Variants in B4GALNT2 observed in about 807,000 individuals in gnomAD.
B4GALNT2 encodes beta-1,4-N-acetyl-galactosaminyltransferase 2 (SID blood group), also known as N-acetylneuraminylgalactosylglucosyl-glucoside beta-1,4-N- acetylgalactosaminyltransferase 2.
Under a neutral mutation model 51.1 loss-of-function variants are expected in B4GALNT2, and 42 were observed. The ratio of observed to expected loss-of-function variants is 0.82; its 90% CI spans 0.64 to 1.06. B4GALNT2 has a LOEUF of 1.06. Among genes scored for constraint, B4GALNT2 ranks in the 50% least tolerant of loss-of-function variants. The pLI is 0.00. For missense variants in B4GALNT2, 602 were observed against 633.6 expected (o/e 0.95, Z 0.54); for synonymous variants, 253 against 251.7 (o/e 1.01, Z -0.05).
chr17:49,157,821 G>A (rs2042824877), intron 5 of B4GALNT2, among the ~76,000 whole-genome samples: 1 of 152,160 alleles, frequency 6.6e-6, no homozygotes, highest in South Asian at 2.1e-4. Context: ...GTAGTTCCAT[G>A]CTTATCATCT....
At chr17:49,158,452 G>A (rs1176588745) in intron 5 of B4GALNT2, among the ~76,000 whole-genome samples, 4 of 152,056 alleles carry the variant, frequency 2.6e-5, no homozygotes, top group South Asian at 2.1e-4. Flanking sequence ...TGGCAAACAC[G>A]GCGAAAGCCC....
Position 49,168,732 on chromosome 17 carries a change from C to T in B4GALNT2, c.1147C>T (p.Gln383Ter), listed in dbSNP as rs1401400043. Reference sequence around the variant, plus strand: ...GTTCCAGTTTAAGTTGTTGCTGGAACAGAGTGAGAATGGGGCCTGCCTTCA... The same window carrying T: ...GTTCCAGTTTAAGTTGTTGCTGGAATAGAGTGAGAATGGGGCCTGCCTTCA... ...NVFQFKLLLEQSENGACLHKR... is the reference protein window; with the variant it reads ...NVFQFKLLLE Residue 383 changes from glutamine (Q) to a stop codon, truncating the protein, a stop_gained, in exon 10 of 11, where the codon CAG (glutamine) becomes TAG (stop). Transcript: ENST00000393354. LOFTEE classifies it high-confidence loss of function. 8 of 1,614,000 alleles carry T rather than the reference C, an allele frequency of 5.0e-6. No individual in the cohort carries two copies. The highest frequency in any genetic ancestry group is 1.1e-5 in the South Asian group (1 of 91,068).
At position 49,168,840 on chromosome 17, in the gene B4GALNT2, C is replaced by A; in HGVS notation, c.1255C>A (p.His419Asn). Reference protein sequence around the residue: ...TSGVVNFFLAHTERLQRVGFD... With the variant: ...TSGVVNFFLANTERLQRVGFD... ...TGGCGTGGTCAACTTCTTCCTGGCC[C>A]ACACGGAGCGACTCCAAAGAGTTGG... The change falls in exon 10 of 11, where the codon CAC becomes AAC. Residue 419 changes from histidine (H) to asparagine (N), a missense_variant. Transcript: ENST00000393354. The A allele has an allele frequency of 6.2e-7, 1 of 1,613,662 alleles. No individual in the cohort carries two copies. Among genetic ancestry groups the A allele is most frequent in the Non-Finnish European group, 8.5e-7 (1 of 1,180,014 alleles).
chr17:49,164,115 T>G lies in B4GALNT2; in HGVS notation c.794T>G (p.Ile265Ser). 1.2e-6 allele frequency: 2 copies of G among 1,614,092 alleles called. No individual in the cohort carries two copies. The highest frequency in any genetic ancestry group is 1.7e-6 in the Non-Finnish European group (2 of 1,179,978). ...AGGAAGCTCAGAAACCTGGTTACCA[T>G]TGCTACCAAGACTTTCCTCCGCCCC... ...PERKLRNLVTIATKTFLRPHK... is the reference protein window; with the variant it reads ...PERKLRNLVTSATKTFLRPHK... Residue 265 changes from isoleucine (I) to serine (S), a missense_variant, in exon 8 of 11, where the codon ATT becomes AGT. Physicochemically the swap from Ile to Ser is moderately radical, Grantham distance 142. Transcript: ENST00000393354.
chr17:49,125,724 C>A, the B4GALNT2 span, among the ~76,000 whole-genome samples: 2 of 140,576 alleles, frequency 1.4e-5, no homozygotes, highest in African/African-American at 2.7e-5. Context: ...CCCGCCGGGC[C>A]GGCCGCCCCG....
chr17:49,167,566 G>A (rs1004934668), intron 9 of B4GALNT2, among the ~76,000 whole-genome samples: 1 of 150,398 alleles, frequency 6.6e-6, no homozygotes, highest in South Asian at 2.1e-4. Flanking sequence ...CCTGCATAAC[G>A]AACATTGTAC....
chr17:49,133,673 G>C (rs1348550797), intron 1 of B4GALNT2, among the ~76,000 whole-genome samples: 1 of 152,164 alleles, frequency 6.6e-6, no homozygotes, highest in Non-Finnish European at 1.5e-5. Context: ...AGCACTTTGG[G>C]AGGCCGAGGT....
chr17:49,152,990 C>T lies in B4GALNT2; in HGVS notation c.460+84C>T. ...AGGAGGGAGAGGTCGGGTGCAGTGGCTCATGCCTGTAATTCCAGCACTTTG... is the reference window on the plus strand; with the variant it reads ...AGGAGGGAGAGGTCGGGTGCAGTGGTTCATGCCTGTAATTCCAGCACTTTG... On this transcript the variant is annotated intron_variant, in intron 4 of 10. Coordinates refer to ENST00000393354, the MANE Select transcript of B4GALNT2 (RefSeq NM_001159387.2). The T allele has an allele frequency of 3.2e-6, 4 of 1,238,326 alleles. No homozygotes were observed. The South Asian group carries it at 5.2e-5, about 16-fold the overall frequency. 76.7% of individuals were successfully genotyped at this position (1,238,326 alleles called of 1,614,324 possible). A position where few individuals can be genotyped will look rare whatever the true frequency, so the allele number is the denominator to read the frequency against.
At chr17:49,147,392 T>G (rs2042705572) in intron 3 of B4GALNT2, among the ~76,000 whole-genome samples, 1 of 150,066 alleles carries the variant, frequency 6.7e-6, no homozygotes, top group Non-Finnish European at 1.5e-5. Context: ...TTTTTTTTTT[T>G]GAGACAAGGT....
chr17:49,152,536 C>A (rs192147619), intron 3 of B4GALNT2, among the ~76,000 whole-genome samples: 1 of 152,094 alleles, frequency 6.6e-6, no homozygotes, highest in East Asian at 1.9e-4. Context: ...ATTAGCCGGG[C>A]GTGGAGGCGC....
In B4GALNT2 at chr17:49,142,024, G is replaced by A; in HGVS notation, c.216-11G>A. 6.2e-7 allele frequency: 1 copy of A among 1,613,924 alleles called. No individual in the cohort carries two copies. The highest frequency in any genetic ancestry group is 8.5e-7 in the Non-Finnish European group (1 of 1,180,016). On this transcript the variant is annotated splice_polypyrimidine_tract_variant and intron_variant, in intron 2 of 10. Transcript: ENST00000393354. ...CCCAATCCATGTTTACAGTCCTCTT[G>A]CTTGTTTCAGGCTGTTCCCGAAAAA... is the stretch of plus-strand genomic sequence containing the variant.
chr17:49,150,974 A>G (rs2042748473), intron 3 of B4GALNT2, among the ~76,000 whole-genome samples: 1 of 152,178 alleles, frequency 6.6e-6, no homozygotes, highest in Non-Finnish European at 1.5e-5. Flanking sequence ...TACCGTAAGT[A>G]TTCACTATGA....
At chr17:49,164,750 C>T (rs2042896199) in intron 8 of B4GALNT2, among the ~76,000 whole-genome samples, 1 of 151,942 alleles carries the variant, frequency 6.6e-6, no homozygotes, top group South Asian at 2.1e-4. Context: ...ATCCGCCTAT[C>T]TTGGCCTCCC....
At chr17:49,121,843 C>CATCT in the B4GALNT2 span, among the ~76,000 whole-genome samples, 1 of 152,150 alleles carries the variant, frequency 6.6e-6, no homozygotes, top group African/African-American at 2.4e-5. Flanking sequence ...CTTGGACAGC[C>CATCT]ATCTCTTCTT....
intron 1 of B4GALNT2, among the ~76,000 whole-genome samples, chr17:49,140,106 CTT>C (rs1238240252): frequency 4.2e-5 from 6 of 143,668 alleles, no homozygotes; most frequent in Admixed American, 1.4e-4. Context: ...GATTTTCTTT[CTT>C]TTTTTTTTTT....
intron 1 of B4GALNT2, 75 bp downstream of exon 1, chr17:49,132,881 G>T: frequency 7.3e-7 from 1 of 1,375,434 alleles, no homozygotes; most frequent in East Asian, 3.1e-5. Flanking sequence ...CCTTTCTGGC[G>T]TCTGCAGAGC....
At chr17:49,138,241 T>C (rs548961765) in intron 1 of B4GALNT2, among the ~76,000 whole-genome samples, 1 of 152,320 alleles carries the variant, frequency 6.6e-6, no homozygotes, top group Non-Finnish European at 1.5e-5. Context: ...GAAATGTCGG[T>C]TGGTACCAAC....
rs781272860 is a variant in B4GALNT2, at chr17:49,159,166, C to T, written c.628C>T (p.Gln210Ter). The T allele has an allele frequency of 2.5e-6, 4 of 1,614,076 alleles. No individual in the cohort carries two copies. In the African/African-American group the frequency reaches 4.0e-5, roughly 16 times the overall value. Residue 210 changes from glutamine (Q) to a stop codon, truncating the protein, a stop_gained, in exon 6 of 11, where the codon CAG (glutamine) becomes TAG (stop). Transcript: ENST00000393354. LOFTEE classifies it high-confidence loss of function. ...SDRKLLKFIL[Q>*]HVTYTSTGYQ... ...CCGGAAGCTGTTGAAGTTCATTCTTCAGCACGTGACATACACCAGCACGGG... is the reference window on the plus strand; with the variant it reads ...CCGGAAGCTGTTGAAGTTCATTCTTTAGCACGTGACATACACCAGCACGGG...
upstream of B4GALNT2, chr17:49,132,355 G>A (rs1371457966): frequency 5.6e-6 from 1 of 178,530 alleles, no homozygotes; most frequent in Non-Finnish European, 1.2e-5. Context: ...CCAGTTCCTG[G>A]GGTCTTTTGC....
Sources: allele counts gnomAD v4.1 joint callset (sites outside exome capture counted in the v4.1 genomes callset), GRCh38; gene constraint gnomAD v4.1.1; transcripts MANE v1.5; gene names NCBI Gene and HGNC (gene_info 2026-07-23, HGNC 2026-07-21).